MN1: variants seen among roughly 807,000 people sequenced by gnomAD.
MN1 encodes the protein transcriptional activator MN1.
MN1 carries 19 observed loss-of-function variants against 86.9 expected under a neutral mutation model. The observed-to-expected ratio is 0.22, with a 90% CI of 0.15 to 0.32. The LOEUF (loss-of-function observed/expected upper bound fraction) is 0.32. Ranked by LOEUF, MN1 falls within the 10% of genes least tolerant of loss-of-function variation. MN1 has a pLI of 1.00. For missense variants in MN1, 1,841 were observed against 1,862.0 expected (o/e 0.99, Z 0.21); for synonymous variants, 928 against 849.6 (o/e 1.09, Z -1.60).
intron 1 of MN1, among the ~76,000 whole-genome samples, chr22:27,787,903 C>T (rs1297759954): frequency 1.3e-5 from 2 of 152,190 alleles, no homozygotes; most frequent in African/African-American, 4.8e-5. Flanking sequence ...CTAACAGACC[C>T]ACAATGCGGT....
chr22:27,799,717 A>G lies in MN1; in HGVS notation c.827T>C (p.Met276Thr), dbSNP rs1235003365. 1 of 1,569,974 alleles carries G rather than the reference A, an allele frequency of 6.4e-7. No individual in the cohort carries two copies. Among genetic ancestry groups the G allele is most frequent in the Admixed American group, 1.9e-5 (1 of 53,704 alleles). ...PGGAFPGASA[M>T]PRAAGMVGLS... is the part of the protein sequence containing the mutation. ...GCCCACCATGCCCGCAGCTCTGGGC[A>G]TGGCCGAGGCGCCCGGGAAAGCGCC... The change falls in exon 1 of 2, where the codon ATG (methionine) becomes ACG (threonine). Residue 276 changes from methionine to threonine, a missense_variant. Met to Thr is a moderately conservative substitution (Grantham distance 81, BLOSUM62 -1). Coordinates refer to ENST00000302326, the MANE Select transcript of MN1 (RefSeq NM_002430.3).
At chr22:27,755,471 C>G (rs577354034) in intron 1 of MN1, among the ~76,000 whole-genome samples, 5 of 152,316 alleles carry the variant, frequency 3.3e-5, no homozygotes, top group African/African-American at 1.2e-4. Flanking sequence ...GACTGCAGGA[C>G]AGTTTTTAAG....
chr22:27,785,862 TTAGA>T (rs1568978853), intron 1 of MN1, among the ~76,000 whole-genome samples: 2 of 149,694 alleles, frequency 1.3e-5, no homozygotes, highest in Non-Finnish European at 3.0e-5. Context: ...GTTTTAAGGG[TTAGA>T]TAAAGACCCT....
chr22:27,786,612 C>A (rs929113048), intron 1 of MN1, among the ~76,000 whole-genome samples: 1 of 152,170 alleles, frequency 6.6e-6, no homozygotes, highest in African/African-American at 2.4e-5. Context: ...GGGAAACTCT[C>A]AGGGTCGGAG....
At position 27,764,821 on chromosome 22, in the gene MN1, T is replaced by A. The variant is rs193135152; in HGVS notation, c.3782-13725A>T. The stretch of plus-strand genomic sequence containing the variant: ...TCCTCATGTAACCCTGGAGGAAGCA[T>A]CTATTCTCCTAGTCCCATTTCTCAG... On this transcript the variant is annotated intron_variant, in intron 1 of 1. Transcript: ENST00000302326. Among the ~76,000 whole-genome samples the A allele has an allele frequency of 2.6e-5, 4 of 152,348 alleles. No individual in the cohort carries two copies. In the East Asian group the frequency reaches 7.7e-4, roughly 29 times the overall value.
intron 1 of MN1, among the ~76,000 whole-genome samples, chr22:27,764,401 C>T (rs1932854914): frequency 6.6e-6 from 1 of 152,212 alleles, no homozygotes; most frequent in African/African-American, 2.4e-5. Flanking sequence ...ATGCCTCTAA[C>T]TTGGGGCCCC....
intron 1 of MN1, among the ~76,000 whole-genome samples, chr22:27,755,581 C>T (rs1221233044): frequency 6.6e-6 from 1 of 152,224 alleles, no homozygotes; most frequent in Non-Finnish European, 1.5e-5. Flanking sequence ...CAAAAGCACT[C>T]CTCAGCTTTT....
Position 27,798,313 on chromosome 22 carries a change from G to C in MN1, c.2231C>G (p.Pro744Arg). The part of the protein sequence containing the change: ...DFATSALGGQ[P>R]GFPFGAAGRQ... ...GCCGGCTGCACCAAACGGAAAGCCC[G>C]GCTGGCCCCCGAGCGCAGACGTAGC... is the stretch of plus-strand genomic sequence containing the variant. Residue 744 changes from proline (P) to arginine (R), a missense_variant, in exon 1 of 2, where the codon CCG (proline) becomes CGG (arginine). By Grantham distance (103) the Pro-to-Arg change is moderately radical. Transcript: ENST00000302326. The C allele has an allele frequency of 7.2e-6, 11 of 1,521,924 alleles. No homozygotes were observed. Among genetic ancestry groups the C allele is most frequent in the Non-Finnish European group, 8.7e-6 (10 of 1,144,022 alleles). The allele number at this position is 1,521,924 out of a possible 1,614,324, so 94.3% of individuals were successfully genotyped here.
At position 27,799,184 on chromosome 22, in the gene MN1, C is replaced by T. The variant is rs768003794; in HGVS notation, c.1360G>A (p.Ala454Thr). 4 of 1,607,150 alleles carry T rather than the reference C, an allele frequency of 2.5e-6. No homozygotes were observed. The highest frequency in any genetic ancestry group is 1.1e-5 in the South Asian group (1 of 90,752). The change falls in exon 1 of 2, where the codon GCC (alanine) becomes ACC (threonine). Residue 454 changes from alanine (A) to threonine (T), a missense_variant. Physicochemically the swap from Ala to Thr is moderately conservative, Grantham distance 58 (BLOSUM62 0). Transcript: ENST00000302326. ...GGAAAGTCGAAGCGCGGCCTCTTGG[C>T]CACGTTCATGTAGGGGGGCGCGTCG... Reference protein sequence around the residue: ...HFDAPPYMNVAKRPRFDFPGS... With the variant: ...HFDAPPYMNVTKRPRFDFPGS...
chr22:27,751,204 C>T, intron 1 of MN1, 108 bp from the exon 2 acceptor site: 1 of 857,278 alleles, frequency 1.2e-6, no homozygotes, highest in Non-Finnish European at 1.7e-6. Context: ...CCGTCCACGC[C>T]CTCTTTCCAT....
At chr22:27,766,361 T>C (rs1219890309) in intron 1 of MN1, among the ~76,000 whole-genome samples, 1 of 152,134 alleles carries the variant, frequency 6.6e-6, no homozygotes, top group Non-Finnish European at 1.5e-5. Flanking sequence ...CAACGCCCAG[T>C]GTCATCTCTG....
At position 27,797,270 on chromosome 22, in the gene MN1, C is replaced by T. The variant is rs771925230; in HGVS notation, c.3274G>A (p.Gly1092Arg). ...PKLPPRGVGA[G>R]EHGPKAPPPA... ...GGGGGCGCCTTCGGTCCGTGTTCCC[C>T]GGCGCCTACCCCACGGGGAGGGAGT... Residue 1092 changes from glycine to arginine, a missense_variant, in exon 1 of 2, where the codon GGG becomes AGG. Physicochemically the swap from Gly to Arg is moderately radical, Grantham distance 125. Coordinates refer to ENST00000302326, the MANE Select transcript of MN1 (RefSeq NM_002430.3). 1.2e-5 allele frequency: 19 copies of T among 1,589,526 alleles called. No individual in the cohort carries two copies. The highest frequency in any genetic ancestry group is 1.7e-4 in the Middle Eastern group (1 of 6,038).
At chr22:27,789,824 T>C (rs1933187447) in intron 1 of MN1, among the ~76,000 whole-genome samples, 1 of 152,254 alleles carries the variant, frequency 6.6e-6, no homozygotes, top group African/African-American at 2.4e-5. Context: ...TAAAGTTCTC[T>C]CTGCTCCGGC....
intron 1 of MN1, among the ~76,000 whole-genome samples, chr22:27,769,067 G>T (rs1932892444): frequency 6.6e-6 from 1 of 152,142 alleles, no homozygotes; most frequent in South Asian, 2.1e-4. Flanking sequence ...AAGTAGGCAG[G>T]TTCCATAGAC....
intron 1 of MN1, among the ~76,000 whole-genome samples, chr22:27,788,708 C>CACGCACGTGTGT (rs1933172054): frequency 6.6e-6 from 1 of 151,388 alleles, no homozygotes; most frequent in African/African-American, 2.4e-5. Flanking sequence ...TGTGTGTGTG[C>CACGCACGTGTGT]ACGCACGTGT....
intron 1 of MN1, among the ~76,000 whole-genome samples, chr22:27,763,278 C>T (rs1601325762): frequency 6.6e-6 from 1 of 152,328 alleles, no homozygotes; most frequent in East Asian, 1.9e-4. Context: ...GCCTCATCCC[C>T]CCCATCCATG....
rs1358977777 is a variant in MN1 at position 27,748,519 on chromosome 22, A to G, written c.*2396T>C. The G allele has an allele frequency of 4.0e-5, 8 of 202,098 alleles. No homozygotes were observed. In the Admixed American group the frequency reaches 4.8e-4, roughly 12 times the overall value. The allele number at this position is 202,098 out of a possible 1,614,324, so 12.5% of individuals were successfully genotyped here. On this transcript the variant is annotated 3_prime_UTR_variant, in exon 2 of 2. Coordinates refer to ENST00000302326, the MANE Select transcript of MN1 (RefSeq NM_002430.3). Reference sequence around the variant, plus strand: ...TAACACACAGCAGAGTTAAGTTTTCATATTTTACATGTGCAATAACATTTT... The same window carrying G: ...TAACACACAGCAGAGTTAAGTTTTCGTATTTTACATGTGCAATAACATTTT...
Position 27,798,261 on chromosome 22 carries a change from T to C in MN1, c.2283A>G (p.Pro761=). 2 of 1,527,344 alleles carry C rather than the reference T, an allele frequency of 1.3e-6. No individual in the cohort carries two copies. The highest frequency in any genetic ancestry group is 1.7e-6 in the Non-Finnish European group (2 of 1,148,006). The allele number at this position is 1,527,344 out of a possible 1,614,324, so 94.6% of individuals were successfully genotyped here. The change falls in exon 1 of 2, where the codon CCA becomes CCG. Residue 761 remains proline (P), a synonymous_variant. Coordinates refer to ENST00000302326, the MANE Select transcript of MN1 (RefSeq NM_002430.3). Reference sequence around the variant, plus strand: ...CCGCGCTGGGGGGCGAGTTCACGCCTGGACCGCTGTGCGGCGTGGACTGCC... The same window carrying C: ...CCGCGCTGGGGGGCGAGTTCACGCCCGGACCGCTGTGCGGCGTGGACTGCC... ...AGRQSTPHSG[P]GVNSPPSAGG... is the part of the protein sequence containing the mutation.
chr22:27,788,454 A>G (rs540818416), intron 1 of MN1, among the ~76,000 whole-genome samples: 1 of 152,266 alleles, frequency 6.6e-6, no homozygotes, highest in East Asian at 1.9e-4. Flanking sequence ...ATTTCAAAGC[A>G]GGCTAGGTTT....
Sources: allele counts gnomAD v4.1 joint callset (sites outside exome capture counted in the v4.1 genomes callset), GRCh38; gene constraint gnomAD v4.1.1; transcripts MANE v1.5; gene names NCBI Gene and HGNC (gene_info 2026-07-23, HGNC 2026-07-21).